CNNM2: variants seen among roughly 807,000 people sequenced by gnomAD.
CNNM2 encodes the protein metal transporter CNNM2.
CNNM2 carries 12 observed loss-of-function variants against 66.9 expected under a neutral mutation model. The ratio of observed to expected loss-of-function variants is 0.18; its 90% CI spans 0.11 to 0.29. The LOEUF (loss-of-function observed/expected upper bound fraction) is 0.29. Among genes scored for constraint, CNNM2 ranks in the 10% least tolerant of loss-of-function variants. The probability of loss-of-function intolerance (pLI) is 1.00; values close to 1 mark genes in which losing one functional copy is unlikely to be tolerated. For synonymous variants in CNNM2, 557 were observed against 501.8 expected (o/e 1.11, Z -1.47); for missense variants, 705 against 1,167.7 (o/e 0.60, Z 5.77).
At chr10:103,070,902 C>T (rs1161737291) in intron 5 of CNNM2, among the ~76,000 whole-genome samples, 24 of 152,102 alleles carry the variant, frequency 1.6e-4, no homozygotes, top group Non-Finnish European at 1.2e-4. Flanking sequence ...TGTACTCCAG[C>T]CCAGGTGACA....
chr10:103,059,845 G>A (rs1000532245), intron 4 of CNNM2, among the ~76,000 whole-genome samples: 9 of 152,136 alleles, frequency 5.9e-5, no homozygotes, highest in East Asian at 1.9e-4. Flanking sequence ...ATATACTTTC[G>A]AAAAAGCTTA....
chr10:102,970,240 G>T (rs530767636), intron 1 of CNNM2, among the ~76,000 whole-genome samples: 4 of 152,308 alleles, frequency 2.6e-5, no homozygotes, highest in Admixed American at 2.6e-4. Flanking sequence ...TGTTTGAGCT[G>T]AGGAGTTTGA....
At chr10:103,037,942 C>T (rs554489929) in intron 1 of CNNM2, among the ~76,000 whole-genome samples, 19 of 152,032 alleles carry the variant, frequency 1.2e-4, no homozygotes, top group African/African-American at 4.3e-4. Context: ...TGGGTTCAAG[C>T]GATTCTCCTG....
At chr10:102,995,756 C>G (rs1034791609) in intron 1 of CNNM2, among the ~76,000 whole-genome samples, 5 of 151,482 alleles carry the variant, frequency 3.3e-5, no homozygotes, top group Non-Finnish European at 7.4e-5. Flanking sequence ...GATGGAGTTT[C>G]ACTCTTGTTG....
intron 1 of CNNM2, among the ~76,000 whole-genome samples, chr10:102,992,819 A>G (rs1483395674): frequency 2.6e-5 from 4 of 152,162 alleles, no homozygotes. Context: ...TGTTGGGCAA[A>G]TCAAGTTAAT....
At chr10:103,062,588 C>T (rs2065406091) in intron 4 of CNNM2, among the ~76,000 whole-genome samples, 1 of 152,218 alleles carries the variant, frequency 6.6e-6, no homozygotes, top group Admixed American at 6.5e-5. Flanking sequence ...CCAAAACAAA[C>T]TATCAAATGA....
At chr10:103,006,472 C>T (rs1424496778) in intron 1 of CNNM2, among the ~76,000 whole-genome samples, 1 of 152,156 alleles carries the variant, frequency 6.6e-6, no homozygotes, top group South Asian at 2.1e-4. Flanking sequence ...TCCCAAAGTG[C>T]TGGGATTACA....
At chr10:103,070,834 G>T (rs569254521) in intron 5 of CNNM2, among the ~76,000 whole-genome samples, 1 of 152,278 alleles carries the variant, frequency 6.6e-6, no homozygotes, top group Non-Finnish European at 1.5e-5. Flanking sequence ...GGAGGCTGAG[G>T]CAGGAGAATC....
chr10:102,954,572 A>G lies in CNNM2; in HGVS notation c.1621+34471A>G, dbSNP rs11191476. ...GTTGAGCCACTGTATGCAGTGCACA[A>G]TGCTGCTAGGCATTTGTGGACAATG... On this transcript the variant is annotated intron_variant, in intron 1 of 7. Transcript: ENST00000369878. Among the ~76,000 whole-genome samples, 438 of 152,258 alleles carry G rather than the reference A, an allele frequency of 2.9e-3. 2 individuals carry two copies. The highest frequency in any genetic ancestry group is 4.7e-3 in the Non-Finnish European group (322 of 68,016).
intron 1 of CNNM2, among the ~76,000 whole-genome samples, chr10:103,035,372 T>C (rs961112110): frequency 6.6e-6 from 1 of 152,188 alleles, no homozygotes; most frequent in Admixed American, 6.5e-5. Flanking sequence ...ATGTTTTCCA[T>C]TGCCCATCAC....
chr10:103,058,698 G>A (rs1419781146), intron 4 of CNNM2, among the ~76,000 whole-genome samples: 9 of 152,214 alleles, frequency 5.9e-5, no homozygotes, highest in Non-Finnish European at 2.9e-5. Context: ...CTGTTAGGCT[G>A]ATAATGCCAT....
chr10:102,928,467 A>G (rs1325595324), intron 1 of CNNM2, among the ~76,000 whole-genome samples: 1 of 151,934 alleles, frequency 6.6e-6, no homozygotes, highest in African/African-American at 2.4e-5. Context: ...CTGTAATTCC[A>G]GCTACTCAGG....
chr10:102,997,814 A>G (rs2064032483), intron 1 of CNNM2, among the ~76,000 whole-genome samples: 1 of 152,198 alleles, frequency 6.6e-6, no homozygotes, highest in African/African-American at 2.4e-5. Context: ...TTAGATTTCT[A>G]ATATGATTTT....
chr10:102,920,808 G>A (rs1590247552), intron 1 of CNNM2, among the ~76,000 whole-genome samples: 1 of 152,178 alleles, frequency 6.6e-6, no homozygotes, highest in East Asian at 1.9e-4. Flanking sequence ...TTAGAGGTTA[G>A]CCAGCCTTTT....
rs761079914 is a variant in CNNM2 at position 103,080,851 on chromosome 10, TTCTC to T, written c.*3675_*3678del. On this transcript the variant is annotated 3_prime_UTR_variant, in exon 8 of 8. Coordinates refer to ENST00000369878, the MANE Select transcript of CNNM2 (RefSeq NM_017649.5). ...GGTACCATGAACTTCTGCCCTCAAA[TTCTC>T]TCTTTGGGTTGAGGAGCAGACCTGT... 2.6e-5 allele frequency: 4 copies of T among 152,222 alleles called. No individual in the cohort carries two copies. The highest frequency in any genetic ancestry group is 5.9e-5 in the Non-Finnish European group (4 of 68,038). The allele number at this position is 152,222 out of a possible 1,614,324, so 9.4% of individuals were successfully genotyped here.
chr10:102,933,875 C>T (rs887835840), intron 1 of CNNM2, among the ~76,000 whole-genome samples: 2 of 152,204 alleles, frequency 1.3e-5, no homozygotes, highest in African/African-American at 4.8e-5. Flanking sequence ...CCCTCCATTG[C>T]CCAGGCCAGA....
intron 1 of CNNM2, among the ~76,000 whole-genome samples, chr10:103,002,479 C>CTTTTTT (rs34131768): frequency 7.3e-6 from 1 of 136,280 alleles, no homozygotes; most frequent in South Asian, 2.3e-4. Context: ...AGACTGGAAT[C>CTTTTTT]TTTTTTTTTT....
intron 1 of CNNM2, among the ~76,000 whole-genome samples, chr10:103,004,539 A>C (rs1303371633): frequency 2.0e-5 from 3 of 152,186 alleles, no homozygotes; most frequent in African/African-American, 7.2e-5. Context: ...TAAAAGGTAG[A>C]TTCTGCTTCA....
intron 6 of CNNM2, 124 bp downstream of exon 6, chr10:103,071,963 A>G: frequency 1.2e-6 from 1 of 865,870 alleles, no homozygotes; most frequent in Non-Finnish European, 2.0e-6. Context: ...TTGGAGCGCT[A>G]AAGCTCTAAG....
Sources: gnomAD v4.1 joint callset for allele counts (sites outside exome capture counted in the v4.1 genomes callset) on GRCh38, gnomAD v4.1.1 for gene constraint, MANE v1.5 for transcripts, NCBI Gene and HGNC (gene_info 2026-07-23, HGNC 2026-07-21) for gene names.